CNIH3: variants seen among roughly 807,000 people sequenced by gnomAD.
CNIH3 encodes cornichon family AMPA receptor auxiliary protein 3.
In CNIH3, 14 loss-of-function variants were observed where a neutral mutation model predicts 24.1. That is an observed-to-expected ratio of 0.58 (90% CI 0.38 to 0.91). The LOEUF is 0.91. CNIH3 is among the 40% of genes least tolerant of loss of function. The pLI is 0.00. For synonymous variants in CNIH3, 68 were observed against 73.8 expected (o/e 0.92, Z 0.40); for missense variants, 178 against 196.8 (o/e 0.90, Z 0.57).
chr1:224,558,604 C>A (rs1389514934), intron 3 of CNIH3, among the ~76,000 whole-genome samples: 4 of 152,184 alleles, frequency 2.6e-5, no homozygotes, highest in Non-Finnish European at 1.5e-5. Context: ...AAATTCTCTT[C>A]CCCACTGGAG....
At chr1:224,711,129 C>T (rs773637736) in intron 3 of CNIH3, among the ~76,000 whole-genome samples, 1 of 152,150 alleles carries the variant, frequency 6.6e-6, no homozygotes, top group African/African-American at 2.4e-5. Context: ...ATAAATTAAA[C>T]GCGATCCGAG....
intron 1 of CNIH3, among the ~76,000 whole-genome samples, chr1:224,501,667 G>A (rs998372148): frequency 2.0e-5 from 3 of 150,916 alleles, no homozygotes; most frequent in African/African-American, 7.3e-5. Flanking sequence ...TACAACCTCC[G>A]TCTCCCAGGT....
At chr1:224,454,233 TTACAGGCTCATTTC>T (rs1305827495) in intron 1 of CNIH3, 1 of 918,852 alleles carries the variant, frequency 1.1e-6, no homozygotes, top group Admixed American at 6.3e-5. Context: ...GTAGTATCAT[TTACAGGCTCATTTC>T]TACTAGTAAG....
chr1:224,441,106 G>A (rs1674892067), intron 1 of CNIH3, among the ~76,000 whole-genome samples: 1 of 152,114 alleles, frequency 6.6e-6, no homozygotes, highest in South Asian at 2.1e-4. Context: ...GTGAGCCACC[G>A]TGCCCGGCCA....
intron 1 of CNIH3, among the ~76,000 whole-genome samples, chr1:224,652,978 A>G (rs1351808032): frequency 1.3e-5 from 2 of 152,212 alleles, no homozygotes; most frequent in African/African-American, 4.8e-5. Flanking sequence ...AGCTGGAGGA[A>G]GGCCACCGGA....
At chr1:224,642,852 T>C (rs1194699868) in intron 1 of CNIH3, among the ~76,000 whole-genome samples, 1 of 152,216 alleles carries the variant, frequency 6.6e-6, no homozygotes, top group Non-Finnish European at 1.5e-5. Flanking sequence ...CATGGTCTTA[T>C]GAAGTAAGAT....
chr1:224,719,574 G>T (rs1688606906), intron 3 of CNIH3, among the ~76,000 whole-genome samples: 1 of 152,170 alleles, frequency 6.6e-6, no homozygotes, highest in African/African-American at 2.4e-5. Context: ...GTGTTACTCT[G>T]TGCCAGAAAC....
At chr1:224,558,765 CA>C (rs1257443320) in intron 3 of CNIH3, among the ~76,000 whole-genome samples, 1 of 152,194 alleles carries the variant, frequency 6.6e-6, no homozygotes, top group East Asian at 1.9e-4. Context: ...TAAGCAGTCA[CA>C]GGGGAGAGAT....
intron 1 of CNIH3, among the ~76,000 whole-genome samples, chr1:224,435,448 A>G (rs1458880200): frequency 6.6e-6 from 1 of 152,178 alleles, no homozygotes; most frequent in African/African-American, 2.4e-5. Context: ...AGCATATCTT[A>G]TGGGGACAAG....
At chr1:224,594,281 C>T (rs1248289389) in intron 3 of CNIH3, among the ~76,000 whole-genome samples, 4 of 152,206 alleles carry the variant, frequency 2.6e-5, no homozygotes, top group African/African-American at 4.8e-5. Context: ...AGCCCTTGCA[C>T]CCCCGCTTGT....
chr1:224,536,262 A>G (rs1410250420), intron 2 of CNIH3, among the ~76,000 whole-genome samples: 1 of 150,196 alleles, frequency 6.7e-6, no homozygotes, highest in Admixed American at 6.6e-5. Context: ...TAATTGTGGG[A>G]AATAGCTGCC....
chr1:224,644,953 A>T (rs1429939224), intron 1 of CNIH3, among the ~76,000 whole-genome samples: 2 of 152,160 alleles, frequency 1.3e-5, no homozygotes, highest in Admixed American at 6.5e-5. Context: ...AGTGGCTGAG[A>T]TCTCTGTGTG....
At chr1:224,527,980 G>T (rs1678910847) in intron 2 of CNIH3, among the ~76,000 whole-genome samples, 2 of 152,114 alleles carry the variant, frequency 1.3e-5, no homozygotes, top group South Asian at 4.1e-4. Context: ...GAAAATCCTG[G>T]GCTGGGTGCA....
In CNIH3 at chr1:224,498,555, A is replaced by T. The variant is rs536927257; in HGVS notation, n.204-17186A>T. 1.1e-4 allele frequency among the ~76,000 whole-genome samples: 16 copies of T among 152,308 alleles called. No homozygotes were observed. In the South Asian group the frequency reaches 3.3e-3, roughly 32 times the overall value. Reference sequence around the variant, plus strand: ...AGATAAACTATGTTGGTAGAGGGTGATTGTGAGCTGGGGCCCTTGTTTCTT... The same window carrying T: ...AGATAAACTATGTTGGTAGAGGGTGTTTGTGAGCTGGGGCCCTTGTTTCTT... On this transcript the variant is annotated intron_variant and non_coding_transcript_variant, in intron 1 of 5. Coordinates refer to the CNIH3 transcript ENST00000471578.
At chr1:224,519,707 CATA>C (rs1234829483) in intron 1 of CNIH3, among the ~76,000 whole-genome samples, 1 of 149,862 alleles carries the variant, frequency 6.7e-6, no homozygotes, top group Admixed American at 6.7e-5. Context: ...TATGTACACA[CATA>C]AAAATATATA....
intron 1 of CNIH3, among the ~76,000 whole-genome samples, chr1:224,624,500 G>A (rs1364404698): frequency 6.6e-6 from 1 of 152,108 alleles, no homozygotes; most frequent in Non-Finnish European, 1.5e-5. Flanking sequence ...AGTGGGTTTA[G>A]TCTTCACCCA....
upstream of CNIH3, among the ~76,000 whole-genome samples, chr1:224,613,299 C>T (rs1223978104): frequency 1.3e-5 from 2 of 152,182 alleles, no homozygotes; most frequent in Non-Finnish European, 2.9e-5. Flanking sequence ...CAGTGCCTGA[C>T]CTCCAAATTT....
At chr1:224,565,044 G>A (rs529799660) in intron 3 of CNIH3, among the ~76,000 whole-genome samples, 1 of 152,260 alleles carries the variant, frequency 6.6e-6, no homozygotes, top group Admixed American at 6.5e-5. Context: ...AAATAAAAAA[G>A]GTTCAGTTGA....
intron 1 of CNIH3, among the ~76,000 whole-genome samples, chr1:224,492,236 T>C (rs1042731608): frequency 6.6e-6 from 1 of 152,270 alleles, no homozygotes; most frequent in Non-Finnish European, 1.5e-5. Context: ...AATTGGCAAA[T>C]GCAACAACAC....
Sources: allele counts gnomAD v4.1 joint callset (sites outside exome capture counted in the v4.1 genomes callset), GRCh38; gene constraint gnomAD v4.1.1; transcripts MANE v1.5; gene names NCBI Gene and HGNC (gene_info 2026-07-23, HGNC 2026-07-21).